The following ROCK2 variants were observed in gnomAD, a reference collection of about 807,000 sequenced individuals.
The protein encoded by ROCK2 is rho-associated protein kinase 2.
In ROCK2, 61 loss-of-function variants were observed where a neutral mutation model predicts 195.1. The observed-to-expected ratio is 0.31, with a 90% confidence interval of 0.25 to 0.39. ROCK2 has a LOEUF of 0.39. ROCK2 is among the 10% of genes least tolerant of loss of function. ROCK2 has a pLI of 1.00. For missense variants in ROCK2, 1,109 were observed against 1,637.4 expected, an observed-to-expected ratio of 0.68 and a Z score of 5.57; for synonymous variants, 504 against 545.5, an observed-to-expected ratio of 0.92 and a Z score of 1.06.
At chr2:11,250,744 G>T (rs781503816) in intron 3 of ROCK2, among the ~76,000 whole-genome samples, 1 of 152,106 alleles carries the variant, frequency 6.6e-6, no homozygotes, top group Admixed American at 6.6e-5. Context: ...CTACCTTCAA[G>T]AAGTTTCAGA....
At chr2:11,324,110 T>C (rs767331151) in intron 1 of ROCK2, among the ~76,000 whole-genome samples, 2 of 152,174 alleles carry the variant, frequency 1.3e-5, no homozygotes, top group East Asian at 1.9e-4. Flanking sequence ...AGTCCAGCAA[T>C]TGCACTCCTT....
intron 11 of ROCK2, chr2:11,218,121 A>G (rs897770378): frequency 5.2e-6 from 1 of 192,732 alleles, no homozygotes; most frequent in South Asian, 1.8e-4. Flanking sequence ...TTCCCTTAAT[A>G]AAAATATACA....
intron 1 of ROCK2, among the ~76,000 whole-genome samples, chr2:11,338,293 G>A (rs377619677): frequency 6.6e-5 from 10 of 152,208 alleles, no homozygotes; most frequent in South Asian, 4.1e-4. Flanking sequence ...GTTATAGTGC[G>A]CTATGACTAC....
intron 1 of ROCK2, chr2:11,308,252 C>T (rs1667924895): frequency 2.5e-6 from 3 of 1,195,876 alleles, no homozygotes; most frequent in Non-Finnish European, 3.8e-6. Flanking sequence ...TACAGCTTTA[C>T]AGTCCACACA....
intron 13 of ROCK2, 110 bp from the exon 14 acceptor site, chr2:11,215,755 C>G: frequency 1.1e-6 from 1 of 886,146 alleles, no homozygotes; most frequent in Non-Finnish European, 1.7e-6. Context: ...AAGGCTTTCA[C>G]TGCTTTTTTG....
intron 18 of ROCK2, among the ~76,000 whole-genome samples, chr2:11,208,793 A>G (rs1664148964): frequency 6.6e-6 from 1 of 151,964 alleles, no homozygotes; most frequent in African/African-American, 2.4e-5. Context: ...GGGTTTTGCC[A>G]TGTTGGCCAG....
rs771054375 is a variant in ROCK2 at position 11,215,447 on chromosome 2, AT to A, written c.1598-36del. On this transcript the variant is annotated intron_variant, in intron 14 of 32. Coordinates refer to ENST00000315872, the MANE Select transcript of ROCK2 (RefSeq NM_004850.5). ...AAAGCATTTCAGTGGCAAGCTTAGC[AT>A]AACACACATACACACACTTAATTTT... The A allele has an allele frequency of 6.0e-5, 97 of 1,604,230 alleles. No homozygotes were observed. The South Asian group carries it at 1.0e-3, about 17-fold the overall frequency.
At chr2:11,241,601 C>T (rs1485947555) in intron 4 of ROCK2, among the ~76,000 whole-genome samples, 1 of 152,140 alleles carries the variant, frequency 6.6e-6, no homozygotes, top group Non-Finnish European at 1.5e-5. Context: ...AACCCCAAAA[C>T]AGATCTATGC....
chr2:11,201,270 T>A lies in ROCK2; in HGVS notation c.2723+40A>T. ...CAGGCATTGTTCTAGGAGCAAAGTA[T>A]ACAGCTATGAACAAAAAGAGACAAG... On this transcript the variant is annotated intron_variant, in intron 22 of 32. Transcript: ENST00000315872. This position sits in a 1 kb window ranked among gnomAD's most constrained non-coding sequence, Gnocchi z 4.6. 6.5e-7 allele frequency: 1 copy of A among 1,532,392 alleles called. No individual in the cohort carries two copies. Among genetic ancestry groups the A allele is most frequent in the Non-Finnish European group, 9.0e-7 (1 of 1,108,020 alleles). The allele number at this position is 1,532,392 out of a possible 1,614,324, so 94.9% of individuals were successfully genotyped here.
chr2:11,313,323 CAAGA>C (rs1163163918), intron 1 of ROCK2, among the ~76,000 whole-genome samples: 4 of 152,118 alleles, frequency 2.6e-5, no homozygotes, highest in African/African-American at 9.6e-5. Context: ...TTAAAACTAA[CAAGA>C]AAGACTCTGA....
At chr2:11,330,711 G>A (rs913707154) in intron 1 of ROCK2, among the ~76,000 whole-genome samples, 3 of 128,972 alleles carry the variant, frequency 2.3e-5, no homozygotes, top group Admixed American at 9.2e-5. Context: ...GGAGGAAGGA[G>A]GAAGACAAGG....
intron 1 of ROCK2, among the ~76,000 whole-genome samples, chr2:11,335,953 C>A (rs540295559): frequency 1.1e-3 from 161 of 152,212 alleles, no homozygotes; most frequent in Non-Finnish European, 1.3e-3. Context: ...TCATACTATT[C>A]ATTAAATATT....
At chr2:11,257,209 T>C (rs1349019085) in intron 3 of ROCK2, among the ~76,000 whole-genome samples, 1 of 151,550 alleles carries the variant, frequency 6.6e-6, no homozygotes, top group South Asian at 2.1e-4. Flanking sequence ...GAGAGCCTCA[T>C]GGCGGAGGAA....
intron 6 of ROCK2, among the ~76,000 whole-genome samples, chr2:11,226,869 C>G (rs977397033): frequency 1.4e-4 from 20 of 143,582 alleles, no homozygotes; most frequent in Non-Finnish European, 3.0e-5. Context: ...CACATTCATG[C>G]CACTGCACTC....
At chr2:11,319,274 T>C (rs535230352) in intron 1 of ROCK2, among the ~76,000 whole-genome samples, 2 of 152,228 alleles carry the variant, frequency 1.3e-5, no homozygotes, top group Non-Finnish European at 2.9e-5. Context: ...TCCTCTTTTA[T>C]TTCGTTGAGC....
At chr2:11,301,248 A>C (rs1032142117) in intron 1 of ROCK2, among the ~76,000 whole-genome samples, 2 of 152,188 alleles carry the variant, frequency 1.3e-5, no homozygotes, top group South Asian at 4.1e-4. Context: ...TATACAAATT[A>C]TAAATAAAAT....
At chr2:11,309,156 T>C (rs1167841163) in intron 1 of ROCK2, among the ~76,000 whole-genome samples, 1 of 149,922 alleles carries the variant, frequency 6.7e-6, no homozygotes, top group African/African-American at 2.4e-5. Flanking sequence ...TTATTGTAGC[T>C]TTTGAAACAT....
intron 1 of ROCK2, among the ~76,000 whole-genome samples, chr2:11,322,213 C>T (rs1019998686): frequency 1.3e-5 from 2 of 151,970 alleles, no homozygotes; most frequent in African/African-American, 4.8e-5. Flanking sequence ...AAACAATGGT[C>T]AATTTAGAAT....
intron 18 of ROCK2, among the ~76,000 whole-genome samples, chr2:11,208,849 A>G (rs1051707304): frequency 1.8e-4 from 27 of 151,984 alleles, no homozygotes; most frequent in African/African-American, 6.0e-4. Context: ...CGCCTCGGCC[A>G]CCCAAAGTGC....
Sources: gnomAD v4.1 joint callset for allele counts (sites outside exome capture counted in the v4.1 genomes callset) on GRCh38, gnomAD v4.1.1 for gene constraint, Gnocchi (gnomAD v3.1) non-coding constraint, MANE v1.5 for transcripts, NCBI Gene and HGNC (gene_info 2026-07-23, HGNC 2026-07-21) for gene names.